Variants in MEF2C observed in about 807,000 individuals in gnomAD.
MEF2C encodes myocyte enhancer factor 2C.
Under a neutral mutation model 50.5 loss-of-function variants are expected in MEF2C, and 6 were observed. The observed-to-expected ratio is 0.12, with a 90% confidence interval of 0.07 to 0.23. MEF2C has a LOEUF of 0.23. Among genes scored for constraint, MEF2C ranks in the 10% least tolerant of loss-of-function variants. The pLI is 1.00. For missense variants in MEF2C, 276 were observed against 605.0 expected (o/e 0.46, Z 5.70); for synonymous variants, 183 against 228.0 (o/e 0.80, Z 1.78).
chr5:88,728,721 C>A (rs1760018343), intron 9 of MEF2C, 93 bp from the exon 10 acceptor site: 4 of 893,804 alleles, frequency 4.5e-6, no homozygotes, highest in Non-Finnish European at 6.1e-6. Flanking sequence ...CCAAAATATT[C>A]TATTAGGATT....
intron 1 of MEF2C, among the ~76,000 whole-genome samples, chr5:88,827,554 C>T (rs557626314): frequency 1.3e-5 from 2 of 151,966 alleles, no homozygotes; most frequent in African/African-American, 2.4e-5. Context: ...CAATTCAGAC[C>T]GGGAGCGTGA....
At chr5:88,863,427 C>A (rs1826156235) in intron 1 of MEF2C, among the ~76,000 whole-genome samples, 1 of 152,138 alleles carries the variant, frequency 6.6e-6, no homozygotes, top group African/African-American at 2.4e-5. Context: ...TTGGCAGAGC[C>A]AAAGGTAGTT....
intron 1 of MEF2C, among the ~76,000 whole-genome samples, chr5:88,878,391 T>A (rs1831765682): frequency 6.6e-6 from 1 of 151,952 alleles, no homozygotes; most frequent in Non-Finnish European, 1.5e-5. Context: ...TAAAAAACAT[T>A]TAGAAACTTA....
chr5:88,791,900 A>G (rs1793928787), intron 3 of MEF2C, among the ~76,000 whole-genome samples: 1 of 152,012 alleles, frequency 6.6e-6, no homozygotes, highest in South Asian at 2.1e-4. Context: ...CACAACATAG[A>G]AGGTTTAAAT....
chr5:88,834,236 C>G (rs542693968), intron 1 of MEF2C, among the ~76,000 whole-genome samples: 15 of 152,154 alleles, frequency 9.9e-5, no homozygotes, highest in Middle Eastern at 3.2e-3. Context: ...GTCCACGCTA[C>G]CTGCCACAGC....
intron 1 of MEF2C, among the ~76,000 whole-genome samples, chr5:88,825,103 A>G (rs1172657024): frequency 6.6e-6 from 1 of 151,868 alleles, no homozygotes; most frequent in Non-Finnish European, 1.5e-5. Context: ...ATAAATTCCC[A>G]CATGTATTAT....
intron 6 of MEF2C, among the ~76,000 whole-genome samples, chr5:88,746,117 A>C (rs1192326306): frequency 1.3e-5 from 2 of 152,174 alleles, no homozygotes; most frequent in Non-Finnish European, 2.9e-5. Context: ...TTAATTTTCA[A>C]AGAGAAGCCA....
At chr5:88,771,656 A>T in intron 3 of MEF2C, 1 of 965,566 alleles carries the variant, frequency 1.0e-6, no homozygotes, top group Non-Finnish European at 1.2e-6. Flanking sequence ...GGTTCACTGG[A>T]TAAATGAATA....
intron 2 of MEF2C, among the ~76,000 whole-genome samples, chr5:88,821,242 G>A (rs1051704445): frequency 6.6e-6 from 1 of 151,746 alleles, no homozygotes; most frequent in African/African-American, 2.4e-5. Context: ...TAGCTCAAAA[G>A]TGCGACATTA....
chr5:88,841,352 T>A (rs1230749085), intron 1 of MEF2C, among the ~76,000 whole-genome samples: 2 of 151,680 alleles, frequency 1.3e-5, no homozygotes, highest in African/African-American at 4.8e-5. Context: ...ACAAAAAATT[T>A]AAAAATTAAG....
intron 1 of MEF2C, among the ~76,000 whole-genome samples, chr5:88,835,037 A>G (rs969011543): frequency 3.9e-5 from 6 of 152,220 alleles, no homozygotes; most frequent in Non-Finnish European, 7.3e-5. Context: ...ATTGACATCA[A>G]TTGAGTCCAA....
At chr5:88,733,958 A>G in intron 6 of MEF2C, 1 of 985,384 alleles carries the variant, frequency 1.0e-6, no homozygotes, top group Non-Finnish European at 1.2e-6. Flanking sequence ...TTTTCTTTAC[A>G]GTAAATTCGA....
At chr5:88,735,168 T>C in intron 6 of MEF2C, 2 of 985,384 alleles carry the variant, frequency 2.0e-6, no homozygotes, top group Non-Finnish European at 2.4e-6. Flanking sequence ...AGAGCCTGCA[T>C]TTAAACCGGC....
intron 1 of MEF2C, among the ~76,000 whole-genome samples, chr5:88,866,620 G>C (rs148321270): frequency 6.6e-6 from 1 of 152,128 alleles, no homozygotes; most frequent in Non-Finnish European, 1.5e-5. Context: ...GAAAAATTCA[G>C]TTAAAAGCTA....
intron 2 of MEF2C, among the ~76,000 whole-genome samples, chr5:88,817,988 C>T (rs991656055): frequency 6.6e-6 from 1 of 151,642 alleles, no homozygotes; most frequent in African/African-American, 2.4e-5. Flanking sequence ...GTTAAAGGAC[C>T]CAAAATTACA....
chr5:88,776,728 A>G (rs1020197474), intron 3 of MEF2C, among the ~76,000 whole-genome samples: 1 of 152,194 alleles, frequency 6.6e-6, no homozygotes, highest in Non-Finnish European at 1.5e-5. Flanking sequence ...GGGAGGGGAA[A>G]ATCAAGTGAA....
intron 2 of MEF2C, among the ~76,000 whole-genome samples, chr5:88,809,329 A>C (rs989235746): frequency 1.3e-5 from 2 of 152,212 alleles, no homozygotes; most frequent in African/African-American, 4.8e-5. Flanking sequence ...AAGAAAGTCT[A>C]TTCACAAAAA....
intron 1 of MEF2C, chr5:88,838,606 C>T (rs936485482): frequency 2.0e-6 from 2 of 985,056 alleles, no homozygotes; most frequent in South Asian, 4.7e-5. Context: ...TATCTCATCC[C>T]CAAAGCTTGA....
chr5:88,852,368 G>C (rs186738624), intron 1 of MEF2C, among the ~76,000 whole-genome samples: 6 of 152,288 alleles, frequency 3.9e-5, no homozygotes, highest in Admixed American at 2.0e-4. Flanking sequence ...AGAAAAGGTA[G>C]TCAGAATTGC....
Sources: gnomAD v4.1 joint callset for allele counts (sites outside exome capture counted in the v4.1 genomes callset) on GRCh38, gnomAD v4.1.1 for gene constraint, MANE v1.5 for transcripts, NCBI Gene and HGNC (gene_info 2026-07-23, HGNC 2026-07-21) for gene names.